The following DRC5 variants were observed in gnomAD, a reference collection of about 807,000 sequenced individuals.
DRC5 encodes the protein dynein regulatory complex subunit 5.
the DRC5 span, among the ~76,000 whole-genome samples, chr6:44,294,841 G>A: frequency 6.6e-6 from 1 of 151,662 alleles, no homozygotes; most frequent in East Asian, 1.9e-4. Context: ...ACAGAAAGGA[G>A]AGGAGGTGGG....
chr6:44,281,647 AG>A, the DRC5 span, among the ~76,000 whole-genome samples: 1 of 152,204 alleles, frequency 6.6e-6, no homozygotes, highest in African/African-American at 2.4e-5. Context: ...AGCCTCCCAA[AG>A]TGCTGGGATT....
chr6:44,280,015 C>A, the DRC5 span: 1 of 632,818 alleles, frequency 1.6e-6, no homozygotes, highest in Admixed American at 3.1e-5. Context: ...CCATGCCAGG[C>A]TCCCTTCCCT....
At chr6:44,285,894 G>A in the DRC5 span, 2 of 1,369,626 alleles carry the variant, frequency 1.5e-6, no homozygotes, top group Non-Finnish European at 2.0e-6. Context: ...AATAGAGGAG[G>A]AAGAGGAGGG....
chr6:44,289,397 T>G, the DRC5 span, among the ~76,000 whole-genome samples: 1 of 152,172 alleles, frequency 6.6e-6, no homozygotes, highest in African/African-American at 2.4e-5. Context: ...ATATAATCAA[T>G]ATAAAATTAT....
chr6:44,293,277 C>T, the DRC5 span, among the ~76,000 whole-genome samples: 3 of 143,562 alleles, frequency 2.1e-5, no homozygotes, highest in African/African-American at 7.9e-5. Flanking sequence ...TTACAAGGTC[C>T]TTTCAAGGTC....
the DRC5 span, among the ~76,000 whole-genome samples, chr6:44,290,583 G>A: frequency 1.3e-5 from 2 of 152,166 alleles, no homozygotes; most frequent in African/African-American, 4.8e-5. Context: ...CTCATAGACA[G>A]TACGACAGAG....
chr6:44,294,064 C>T, the DRC5 span, among the ~76,000 whole-genome samples: 1 of 151,968 alleles, frequency 6.6e-6, no homozygotes. Flanking sequence ...CTCACCGCAA[C>T]CTCTGCATCC....
the DRC5 span, chr6:44,282,241 T>A: frequency 6.2e-7 from 1 of 1,614,180 alleles, no homozygotes. Context: ...AGGCACTTGT[T>A]GGTCTGCAAG....
At chr6:44,297,689 GCA>G in the DRC5 span, 1 of 152,204 alleles carries the variant, frequency 6.6e-6, no homozygotes, top group African/African-American at 2.4e-5. Context: ...CTCGCCTCAC[GCA>G]GAGTCCCGCG....
chr6:44,283,955 G>A, the DRC5 span, among the ~76,000 whole-genome samples: 1 of 152,178 alleles, frequency 6.6e-6, no homozygotes, highest in East Asian at 1.9e-4. Context: ...ATTGGTCTAT[G>A]AACCCGTGCC....
the DRC5 span, chr6:44,286,581 C>T: frequency 6.6e-7 from 1 of 1,522,308 alleles, no homozygotes; most frequent in Non-Finnish European, 8.9e-7. Context: ...TTGGGGGACA[C>T]CTCAACATGA....
At chr6:44,287,500 G>GC in the DRC5 span, 6 of 1,549,318 alleles carry the variant, frequency 3.9e-6, no homozygotes, top group Non-Finnish European at 2.6e-6. Flanking sequence ...CACCCACCTA[G>GC]CCCCCCTCTT....
chr6:44,283,114 C>T, the DRC5 span, among the ~76,000 whole-genome samples: 1 of 152,270 alleles, frequency 6.6e-6, no homozygotes, highest in East Asian at 1.9e-4. Flanking sequence ...TTGGGTCTTT[C>T]ACAACCATTA....
chr6:44,286,827 C>G, the DRC5 span, among the ~76,000 whole-genome samples: 1 of 152,242 alleles, frequency 6.6e-6, no homozygotes, highest in East Asian at 1.9e-4. Flanking sequence ...ATGGGGGATA[C>G]AATCCCTGAG....
chr6:44,296,110 T>C, the DRC5 span, among the ~76,000 whole-genome samples: 4 of 152,232 alleles, frequency 2.6e-5, no homozygotes, highest in African/African-American at 9.6e-5. Context: ...ACTTACTAAA[T>C]GTCACTAGCT....
At chr6:44,282,639 C>T in the DRC5 span, 1 of 1,361,872 alleles carries the variant, frequency 7.3e-7, no homozygotes, top group Non-Finnish European at 1.0e-6. Context: ...GCAAACTTGG[C>T]TCACCTAGTG....
chr6:44,280,499 A>C, the DRC5 span: 188 of 767,682 alleles, frequency 2.4e-4, no homozygotes, highest in Non-Finnish European at 1.5e-5. Flanking sequence ...TTCACAAAAC[A>C]ATACTTAACC....
At chr6:44,283,126 C>G in the DRC5 span, among the ~76,000 whole-genome samples, 1 of 152,166 alleles carries the variant, frequency 6.6e-6, no homozygotes, top group Non-Finnish European at 1.5e-5. Flanking sequence ...CAACCATTAT[C>G]TCTAACCTTC....
chr6:44,291,621 G>A, the DRC5 span, among the ~76,000 whole-genome samples: 31 of 152,242 alleles, frequency 2.0e-4, no homozygotes, highest in Admixed American at 1.3e-3. Context: ...CATCTCTCAC[G>A]TGCCAAGGTC....
Sources: gnomAD v4.1 joint callset for allele counts (sites outside exome capture counted in the v4.1 genomes callset) on GRCh38, gnomAD v4.1.1 for gene constraint, MANE v1.5 for transcripts, NCBI Gene and HGNC (gene_info 2026-07-23, HGNC 2026-07-21) for gene names.